JADE2: variants seen among roughly 807,000 people sequenced by gnomAD.
JADE2 encodes E3 ubiquitin-protein ligase Jade-2.
A neutral mutation model predicts 85.7 loss-of-function variants in JADE2; 13 were observed. That is an observed-to-expected ratio of 0.15 (90% CI 0.10 to 0.24). The LOEUF (loss-of-function observed/expected upper bound fraction) is 0.24. Ranked by LOEUF, JADE2 falls within the 10% of genes least tolerant of loss-of-function variation. JADE2 has a pLI of 1.00. For synonymous variants in JADE2, 440 were observed against 456.1 expected (o/e 0.96, Z 0.45); for missense variants, 846 against 1,115.9 (o/e 0.76, Z 3.45).
rs776366379 is a variant in JADE2 at position 134,578,734 on chromosome 5, G to A, written c.1922G>A (p.Arg641His). 2.2e-5 allele frequency: 35 copies of A among 1,612,602 alleles called. No homozygotes were observed. The highest frequency in any genetic ancestry group is 6.7e-5 in the East Asian group (3 of 44,860). ...PGDPARKARG[R>H]TRLPAKKKPP... ...GACCCTGCTAGGAAGGCCCGAGGCC[G>A]CACCCGCCTGCCTGCCAAGAAGAAA... Residue 641 changes from arginine (R) to histidine (H), a missense_variant, in exon 12 of 12, where the codon CGC becomes CAC. By Grantham distance (29) the Arg-to-His change is conservative. Around this residue, in one of 9 missense-constraint regions of JADE2, gnomAD observed 300 missense variants for 300.7 expected, o/e 1.00. Coordinates refer to ENST00000681547, the MANE Select transcript of JADE2 (RefSeq NM_001388185.1). The surrounding 1 kb of genome is among the most constrained non-coding windows in gnomAD (Gnocchi z 4.4).
chr5:134,566,254 C>G lies in JADE2; in HGVS notation c.1108C>G (p.Arg370Gly), dbSNP rs137957798. 1.2e-6 allele frequency: 2 copies of G among 1,614,024 alleles called. No individual in the cohort carries two copies. Among genetic ancestry groups the G allele is most frequent in the Admixed American group, 1.7e-5 (1 of 59,996 alleles). ...FCQEHSDGGP[R>G]NEPTSEPTEP... ...CCAGGAGCACAGTGACGGGGGCCCA[C>G]GTAATGAGCCCACATCTGAGCCCAC... The change falls in exon 9 of 12, where the codon CGT becomes GGT. Residue 370 changes from arginine to glycine, a missense_variant. By Grantham distance (125) the Arg-to-Gly change is moderately radical. This residue lies in a region of JADE2 where 39 missense variants were observed against 37.6 expected (regional missense o/e 1.04). Transcript: ENST00000681547. This position sits in a 1 kb window ranked among gnomAD's most constrained non-coding sequence, Gnocchi z 6.7.
intron 1 of JADE2, among the ~76,000 whole-genome samples, chr5:134,534,875 A>C (rs1761485959): frequency 6.6e-6 from 1 of 152,230 alleles, no homozygotes; most frequent in Admixed American, 6.5e-5. Context: ...CTCCCCTCCA[A>C]GGGGATGAGA....
chr5:134,553,440 G>A lies in JADE2; in HGVS notation c.311+1231G>A, dbSNP rs181555574. Among the ~76,000 whole-genome samples, 449 of 148,688 alleles carry A rather than the reference G, an allele frequency of 3.0e-3. 3 individuals are homozygous for A. Among genetic ancestry groups the A allele is most frequent in the African/African-American group, 0.011 (434 of 40,134 alleles). On this transcript the variant is annotated intron_variant, in intron 4 of 11. Coordinates refer to ENST00000681547, the MANE Select transcript of JADE2 (RefSeq NM_001388185.1). ...GCGATCTTGGCTCACTGCAACCTCC[G>A]CCTCCCGGGTTCATGCGATTCTCCT...
intron 7 of JADE2, among the ~76,000 whole-genome samples, chr5:134,563,024 G>A (rs1191543472): frequency 3.3e-5 from 5 of 152,100 alleles, no homozygotes; most frequent in Non-Finnish European, 5.9e-5. Context: ...CCAAAGTCAA[G>A]CCACATGTTC....
At chr5:134,537,737 TTAAAC>T (rs1329529030) in intron 2 of JADE2, among the ~76,000 whole-genome samples, 33 of 152,236 alleles carry the variant, frequency 2.2e-4, no homozygotes, top group African/African-American at 7.9e-4. Flanking sequence ...GGGTCACACA[TTAAAC>T]TAATACTGAG....
Position 134,535,861 on chromosome 5 carries a change from G to A in JADE2, c.4G>A (p.Glu2Lys). M[E>K]EKRRKYSISS... ...ATGGGCTTGCCTTTTGTTGCAGATGGAAGAGAAGAGGCGAAAATACTCCAT... is the reference window on the plus strand; with the variant it reads ...ATGGGCTTGCCTTTTGTTGCAGATGAAAGAGAAGAGGCGAAAATACTCCAT... The change falls in exon 2 of 12, where the codon GAA becomes AAA. Residue 2 changes from glutamate (E) to lysine (K), a missense_variant. Glu to Lys is a moderately conservative substitution (Grantham distance 56). Coordinates refer to ENST00000681547, the MANE Select transcript of JADE2 (RefSeq NM_001388185.1). 1 of 1,614,026 alleles carries A rather than the reference G, an allele frequency of 6.2e-7. No individual in the cohort carries two copies. Among genetic ancestry groups the A allele is most frequent in the Non-Finnish European group, 8.5e-7 (1 of 1,179,906 alleles).
chr5:134,565,995 T>G, intron 8 of JADE2, 121 bp from the exon 9 acceptor site: 1 of 830,608 alleles, frequency 1.2e-6, no homozygotes, highest in Non-Finnish European at 1.9e-6. Context: ...GCCCATGCCA[T>G]TCTGTTTAGG....
intron 4 of JADE2, among the ~76,000 whole-genome samples, chr5:134,554,597 T>G (rs1762800305): frequency 6.6e-6 from 1 of 152,228 alleles, no homozygotes; most frequent in African/African-American, 2.4e-5. Context: ...TTCCGGCTGC[T>G]TTGACTTTAC....
upstream of JADE2, among the ~76,000 whole-genome samples, chr5:134,524,787 T>C (rs1474113782): frequency 1.3e-5 from 2 of 152,064 alleles, no homozygotes; most frequent in Non-Finnish European, 2.9e-5. Context: ...CAATTTCAAG[T>C]TCCCCCGCCC....
In JADE2 at chr5:134,562,406, C is replaced by A; in HGVS notation, c.852+39C>A. On this transcript the variant is annotated intron_variant, in intron 7 of 11. Coordinates refer to ENST00000681547, the MANE Select transcript of JADE2 (RefSeq NM_001388185.1). This position sits in a 1 kb window ranked among gnomAD's most constrained non-coding sequence, Gnocchi z 4.6. ...GAGGTGAGGCAGCCCAAGGAATAGC[C>A]CGTGGGGAAGTGGGTCTGCATGGGA... The A allele has an allele frequency of 6.4e-7, 1 of 1,573,596 alleles. No homozygotes were observed. Among genetic ancestry groups the A allele is most frequent in the Non-Finnish European group, 8.7e-7 (1 of 1,153,356 alleles).
intron 1 of JADE2, among the ~76,000 whole-genome samples, chr5:134,531,307 G>C (rs1225297772): frequency 6.6e-6 from 1 of 152,216 alleles, no homozygotes; most frequent in East Asian, 1.9e-4. Flanking sequence ...GTATGAAGCT[G>C]TCCAGGTGGC....
chr5:134,530,815 C>G (rs1357315887), intron 1 of JADE2, among the ~76,000 whole-genome samples: 1 of 152,094 alleles, frequency 6.6e-6, no homozygotes, highest in Admixed American at 6.5e-5. Context: ...GCTGTGAAAA[C>G]AAGGGCGAAA....
chr5:134,534,419 A>G (rs934544051), intron 1 of JADE2, among the ~76,000 whole-genome samples: 16 of 152,014 alleles, frequency 1.1e-4, no homozygotes, highest in African/African-American at 3.9e-4. Context: ...GCATCTTTGA[A>G]GCTGGGCGGC....
rs1351857463 is a variant in JADE2 at position 134,578,565 on chromosome 5, A to G, written c.1753A>G (p.Thr585Ala). 1 of 1,613,530 alleles carries G rather than the reference A, an allele frequency of 6.2e-7. No homozygotes were observed. The highest frequency in any genetic ancestry group is 1.1e-5 in the South Asian group (1 of 91,050). ...NSWLAQSVQI[T>A]AENMAMSEWP... is the part of the protein sequence containing the mutation. ...CTGGCTGGCACAGTCGGTGCAGATC[A>G]CAGCAGAGAACATGGCCATGAGCGA... The change falls in exon 12 of 12, where the codon ACA becomes GCA. Residue 585 changes from threonine (T) to alanine (A), a missense_variant. Thr to Ala is a moderately conservative substitution (Grantham distance 58). Transcript: ENST00000681547. The surrounding 1 kb of genome is among the most constrained non-coding windows in gnomAD (Gnocchi z 4.4).
chr5:134,559,776 A>T (rs755902280), intron 4 of JADE2, 54 bp from the exon 5 acceptor site: 1 of 1,561,750 alleles, frequency 6.4e-7, no homozygotes, highest in Non-Finnish European at 8.6e-7. Context: ...TGGAGCCCCT[A>T]TGGCGGCAGG....
chr5:134,529,595 C>T (rs892606385), intron 1 of JADE2, among the ~76,000 whole-genome samples: 1 of 152,230 alleles, frequency 6.6e-6, no homozygotes, highest in Non-Finnish European at 1.5e-5. Context: ...AAAGACTAAG[C>T]CCAAAGCAGG....
intron 1 of JADE2, chr5:134,533,484 C>T (rs1205603304): frequency 8.8e-5 from 85 of 967,472 alleles, no homozygotes; most frequent in African/African-American, 7.0e-5. Flanking sequence ...TTGAACCCAT[C>T]AACAACTTCT....
At chr5:134,568,542 C>T (rs1178991624) in intron 9 of JADE2, among the ~76,000 whole-genome samples, 2 of 152,150 alleles carry the variant, frequency 1.3e-5, no homozygotes, top group African/African-American at 2.4e-5. Flanking sequence ...AGGTGTGAAC[C>T]GTCCCACTCC....
At position 134,579,175 on chromosome 5, in the gene JADE2, A is replaced by G; in HGVS notation, c.2363A>G (p.His788Arg). The G allele has an allele frequency of 1.2e-6, 2 of 1,614,248 alleles. No individual in the cohort carries two copies. Among genetic ancestry groups the G allele is most frequent in the Non-Finnish European group, 1.7e-6 (2 of 1,180,038 alleles). ...AVAERPKVSL[H>R]FDTETDGYFS... ...GCTGAGAGGCCCAAGGTCAGCCTGC[A>G]TTTTGACACTGAGACTGATGGCTAC... Residue 788 changes from histidine (H) to arginine (R), a missense_variant, in exon 12 of 12, where the codon CAT (histidine) becomes CGT (arginine). His to Arg is a conservative substitution (Grantham distance 29). Coordinates refer to ENST00000681547, the MANE Select transcript of JADE2 (RefSeq NM_001388185.1). This position sits in a 1 kb window ranked among gnomAD's most constrained non-coding sequence, Gnocchi z 4.6.
Sources: allele counts gnomAD v4.1 joint callset (sites outside exome capture counted in the v4.1 genomes callset), GRCh38; gene constraint gnomAD v4.1.1; regional missense constraint gnomAD v4.1.1; non-coding constraint Gnocchi (gnomAD v3.1); transcripts MANE v1.5; gene names NCBI Gene and HGNC (gene_info 2026-07-23, HGNC 2026-07-21).